The following CAMK1D variants were observed in gnomAD, a reference collection of about 807,000 sequenced individuals.
The protein encoded by CAMK1D is calcium/calmodulin dependent protein kinase ID.
A neutral mutation model predicts 47.7 loss-of-function variants in CAMK1D; 9 were observed. That is an observed-to-expected ratio of 0.19 (90% confidence interval 0.11 to 0.33). The LOEUF is 0.33. Among genes scored for constraint, CAMK1D ranks in the 10% least tolerant of loss-of-function variants. The pLI is 1.00. For missense variants in CAMK1D, 291 were observed against 488.7 expected (o/e 0.60, Z 3.81); for synonymous variants, 184 against 184.9 (o/e 0.99, Z 0.04).
At position 12,779,195 on chromosome 10, in the gene CAMK1D, T is replaced by G. The variant is rs139345651; in HGVS notation, c.565+9396T>G. ...CTCTCAATATGGTATTGACCAAGAT[T>G]GGGAATCCATTTAATTAAGTCAAGT... On this transcript the variant is annotated intron_variant, in intron 5 of 10. Transcript: ENST00000619168. Among the ~76,000 whole-genome samples, 362 of 152,318 alleles carry G rather than the reference T, an allele frequency of 2.4e-3. 1 individual carries two copies. The highest frequency in any genetic ancestry group is 3.6e-3 in the Non-Finnish European group (243 of 68,028).
Position 12,664,687 on chromosome 10 carries a change from C to T in CAMK1D, c.225-2049C>T, listed in dbSNP as rs549990704. The stretch of plus-strand genomic sequence containing the variant: ...TTAGATTTAGCACGTGAAAATACAG[C>T]ATGCCCAGTTACCTCTGAATTTCAG... On this transcript the variant is annotated intron_variant, in intron 2 of 10. Transcript: ENST00000619168. 3.3e-5 allele frequency among the ~76,000 whole-genome samples: 5 copies of T among 152,312 alleles called. No individual in the cohort carries two copies. The South Asian group carries it at 1.0e-3, about 32-fold the overall frequency.
intron 1 of CAMK1D, among the ~76,000 whole-genome samples, chr10:12,363,305 A>G (rs185523235): frequency 1.5e-4 from 23 of 151,708 alleles, no homozygotes; most frequent in Admixed American, 9.2e-4. Context: ...CCCTGGCTGG[A>G]GTGCAGTGGT....
chr10:12,781,875 T>C (rs1269996689), intron 5 of CAMK1D, among the ~76,000 whole-genome samples: 1 of 152,072 alleles, frequency 6.6e-6, no homozygotes. Context: ...CTCAAACTCC[T>C]GACCTCAGGT....
rs374546335 is a variant in CAMK1D, at chr10:12,523,191, G to T, written c.93-30034G>T. 2.8e-4 allele frequency among the ~76,000 whole-genome samples: 42 copies of T among 151,568 alleles called. No individual in the cohort carries two copies. In the East Asian group the frequency reaches 5.7e-3, roughly 20 times the overall value. ...GCGCTCCTCACATCCCAGACGGGGC[G>T]GTGGGGCAGAGGTGCTCCCCACATT... On this transcript the variant is annotated intron_variant, in intron 1 of 10. Coordinates refer to ENST00000619168, the MANE Select transcript of CAMK1D (RefSeq NM_153498.4).
At chr10:12,548,917 G>A (rs918867263) in intron 1 of CAMK1D, among the ~76,000 whole-genome samples, 16 of 151,370 alleles carry the variant, frequency 1.1e-4, no homozygotes, top group Non-Finnish European at 1.6e-4. Flanking sequence ...GTGCATAGGC[G>A]CGATCTCAGC....
intron 2 of CAMK1D, among the ~76,000 whole-genome samples, chr10:12,622,119 G>A (rs1274151539): frequency 2.0e-5 from 3 of 152,266 alleles, no homozygotes; most frequent in Non-Finnish European, 2.9e-5. Flanking sequence ...CCTCTTTGGC[G>A]TCTTTGACTC....
intron 3 of CAMK1D, among the ~76,000 whole-genome samples, chr10:12,694,442 AATATGAAATATATATGTTATATATCAT>A (rs1564499084): frequency 1.1e-5 from 1 of 88,884 alleles, no homozygotes; most frequent in East Asian, 3.4e-4. Context: ...TCATATATAA[AATATGAAATATATATGTTATATATCAT>A]ATATAAAATA....
chr10:12,765,844 G>A (rs1426142243), intron 4 of CAMK1D, among the ~76,000 whole-genome samples: 1 of 152,004 alleles, frequency 6.6e-6, no homozygotes, highest in Non-Finnish European at 1.5e-5. Context: ...ACTTACATAA[G>A]GCACAAAAGA....
At chr10:12,669,099 G>T (rs1028716928) in intron 3 of CAMK1D, among the ~76,000 whole-genome samples, 9 of 152,112 alleles carry the variant, frequency 5.9e-5, no homozygotes, top group Non-Finnish European at 1.3e-4. Flanking sequence ...GGGCATGGTG[G>T]TGGGCACCTG....
intron 2 of CAMK1D, among the ~76,000 whole-genome samples, chr10:12,577,209 C>T (rs150292027): frequency 2.8e-4 from 43 of 152,304 alleles, no homozygotes; most frequent in Non-Finnish European, 3.4e-4. Context: ...GGGAGGTCCC[C>T]GGACACACAG....
intron 2 of CAMK1D, among the ~76,000 whole-genome samples, chr10:12,594,422 G>C (rs1838084894): frequency 6.6e-6 from 1 of 152,202 alleles, no homozygotes; most frequent in African/African-American, 2.4e-5. Flanking sequence ...ATTTCAAAGT[G>C]ACATTTTGGG....
chr10:12,758,304 T>G (rs1246142419), intron 3 of CAMK1D, among the ~76,000 whole-genome samples: 1 of 152,196 alleles, frequency 6.6e-6, no homozygotes, highest in Non-Finnish European at 1.5e-5. Context: ...AATGCAGGCT[T>G]AAGGAGAATT....
At position 12,371,619 on chromosome 10, in the gene CAMK1D, T is replaced by C. The variant is rs542167926; in HGVS notation, c.92+21709T>C. On this transcript the variant is annotated intron_variant, in intron 1 of 10. Coordinates refer to ENST00000619168, the MANE Select transcript of CAMK1D (RefSeq NM_153498.4). ...AAAAACAAAAAAAAACTTTTTTGGC[T>C]AGGCACAGTGGCTCACGCCTGTAAT... 4.2e-5 allele frequency among the ~76,000 whole-genome samples: 6 copies of C among 142,290 alleles called. 1 individual carries two copies. Among genetic ancestry groups the C allele is most frequent in the Admixed American group, 1.4e-4 (2 of 14,340 alleles). 93.3% of individuals were successfully genotyped at this position (142,290 alleles called of 152,430 possible).
intron 3 of CAMK1D, among the ~76,000 whole-genome samples, chr10:12,680,532 T>C (rs1741046896): frequency 6.6e-6 from 1 of 152,254 alleles, no homozygotes; most frequent in Non-Finnish European, 1.5e-5. Context: ...TAGCAAAGTC[T>C]GTTTCCTGAG....
At chr10:12,495,351 T>A (rs1485295992) in intron 1 of CAMK1D, among the ~76,000 whole-genome samples, 2 of 152,224 alleles carry the variant, frequency 1.3e-5, no homozygotes, top group African/African-American at 4.8e-5. Flanking sequence ...CAGGATATAG[T>A]GATAGCAATT....
In CAMK1D at chr10:12,381,368, T is replaced by C. The variant is rs529763840; in HGVS notation, c.92+31458T>C. 1.3e-4 allele frequency among the ~76,000 whole-genome samples: 20 copies of C among 151,356 alleles called. No homozygotes were observed. The South Asian group carries it at 4.0e-3, about 30-fold the overall frequency. On this transcript the variant is annotated intron_variant, in intron 1 of 10. Transcript: ENST00000619168. ...TTTTTTTTTTTTTTTTTGAGACGGA[T>C]TCTCCTTCTGTCACTCAGGCTGGAG...
At chr10:12,366,904 T>G (rs1464440940) in intron 1 of CAMK1D, among the ~76,000 whole-genome samples, 21 of 152,170 alleles carry the variant, frequency 1.4e-4, no homozygotes, top group Admixed American at 1.4e-3. Flanking sequence ...AGAGTCTTCG[T>G]GAGCACAGTG....
chr10:12,747,035 G>GTTT (rs1179610503), intron 3 of CAMK1D, among the ~76,000 whole-genome samples: 1 of 145,622 alleles, frequency 6.9e-6, no homozygotes, highest in African/African-American at 2.6e-5. Context: ...CTTTTTGTTT[G>GTTT]TTTGTTTGTC....
chr10:12,553,012 G>A (rs1836636436), intron 1 of CAMK1D, among the ~76,000 whole-genome samples: 1 of 152,068 alleles, frequency 6.6e-6, no homozygotes, highest in African/African-American at 2.4e-5. Flanking sequence ...CAAAGTGTCG[G>A]GATTACAGGC....
Sources: allele counts gnomAD v4.1 joint callset (sites outside exome capture counted in the v4.1 genomes callset), GRCh38; gene constraint gnomAD v4.1.1; transcripts MANE v1.5; gene names NCBI Gene and HGNC (gene_info 2026-07-23, HGNC 2026-07-21).